The following STPG2 variants were observed in gnomAD, a reference collection of about 807,000 sequenced individuals.
STPG2 encodes sperm tail PG-rich repeat containing 2, also known as sperm-tail PG-rich repeat-containing protein 2.
STPG2 carries 56 observed loss-of-function variants against 54.2 expected under a neutral mutation model. The observed-to-expected ratio is 1.03, with a 90% CI of 0.83 to 1.29. STPG2 has a LOEUF of 1.29. Among genes scored for constraint, STPG2 ranks in the 50% most tolerant of loss-of-function variants. The pLI is 0.00. For missense variants in STPG2, 596 were observed against 544.9 expected (o/e 1.09, Z -0.93); for synonymous variants, 200 against 181.8 (o/e 1.10, Z -0.81).
rs376001588 is a variant in STPG2 at position 97,524,545 on chromosome 4, T to C, written c.462+188154A>G. On this transcript the variant is annotated intron_variant, in intron 4 of 4. Coordinates refer to the STPG2 transcript ENST00000522676. ...ATTCACATTAATGATATCTTGCTTC[T>C]TGTAGTTTCATTGAAACCCAAAGGA... Among the ~76,000 whole-genome samples the C allele has an allele frequency of 2.6e-5, 4 of 152,118 alleles. No homozygotes were observed. In the South Asian group the frequency reaches 6.2e-4, roughly 24 times the overall value.
intron 4 of STPG2, among the ~76,000 whole-genome samples, chr4:97,514,755 G>T (rs1731040541): frequency 6.6e-6 from 1 of 151,302 alleles, no homozygotes; most frequent in African/African-American, 2.4e-5. Flanking sequence ...CAATTACTTT[G>T]TACTTTTATC....
intron 4 of STPG2, among the ~76,000 whole-genome samples, chr4:97,539,015 C>A (rs1390586870): frequency 6.6e-6 from 1 of 152,268 alleles, no homozygotes; most frequent in Non-Finnish European, 1.5e-5. Flanking sequence ...CACCACCAGG[C>A]CTGTCCTACA....
intron 1 of STPG2, among the ~76,000 whole-genome samples, chr4:98,141,186 G>T (rs1421169346): frequency 1.3e-5 from 2 of 151,894 alleles, no homozygotes; most frequent in Non-Finnish European, 2.9e-5. Flanking sequence ...TCTGACTCTG[G>T]CATAACATTA....
intron 8 of STPG2, among the ~76,000 whole-genome samples, chr4:97,845,098 A>G (rs2149125324): frequency 6.6e-6 from 1 of 151,690 alleles, no homozygotes; most frequent in South Asian, 2.1e-4. Context: ...TTATTTAATC[A>G]TAAGTTCCAT....
At chr4:97,657,001 GT>G (rs1472062390) in intron 10 of STPG2, among the ~76,000 whole-genome samples, 4 of 151,950 alleles carry the variant, frequency 2.6e-5, no homozygotes, top group African/African-American at 9.7e-5. Flanking sequence ...TGCAATTGCA[GT>G]TTATTTTTCA....
At chr4:97,909,445 A>C (rs1731592508) in intron 8 of STPG2, among the ~76,000 whole-genome samples, 1 of 152,194 alleles carries the variant, frequency 6.6e-6, no homozygotes, top group Non-Finnish European at 1.5e-5. Context: ...AACAGGCAAC[A>C]CTTACCAACT....
At chr4:97,682,402 C>A (rs11936066) in intron 10 of STPG2, among the ~76,000 whole-genome samples, 21,339 of 151,686 alleles carry the variant, frequency 0.14, 4,256 homozygotes, top group African/African-American at 0.44. Flanking sequence ...ATCACAAAGA[C>A]AACCATGTAA....
chr4:97,824,704 A>G (rs1560542534), intron 9 of STPG2, among the ~76,000 whole-genome samples: 1 of 152,198 alleles, frequency 6.6e-6, no homozygotes, highest in Non-Finnish European at 1.5e-5. Flanking sequence ...CCTAAAAATT[A>G]TCTTGCTAAA....
At chr4:97,924,267 T>A (rs1435139518) in intron 8 of STPG2, among the ~76,000 whole-genome samples, 1 of 152,208 alleles carries the variant, frequency 6.6e-6, no homozygotes, top group Non-Finnish European at 1.5e-5. Context: ...ATTCTTGAAG[T>A]CAGTGAGACC....
At chr4:97,685,572 T>C (rs1713434540) in intron 10 of STPG2, among the ~76,000 whole-genome samples, 2 of 152,124 alleles carry the variant, frequency 1.3e-5, no homozygotes, top group African/African-American at 4.8e-5. Flanking sequence ...AGGTAGAGCA[T>C]AGAGCTTTAT....
chr4:97,454,553 A>G (rs922244539), intron 4 of STPG2, among the ~76,000 whole-genome samples: 5 of 143,654 alleles, frequency 3.5e-5, no homozygotes, highest in East Asian at 3.9e-4. Context: ...AAAAAAAAAA[A>G]AAAAGAAAAG....
chr4:97,937,493 ATTCT>A (rs1436249869), intron 8 of STPG2, among the ~76,000 whole-genome samples: 1 of 152,078 alleles, frequency 6.6e-6, no homozygotes, highest in South Asian at 2.1e-4. Flanking sequence ...TTTTTTGTTA[ATTCT>A]TTCTCATCTT....
At chr4:97,507,143 A>C (rs1347993432) in intron 4 of STPG2, among the ~76,000 whole-genome samples, 1 of 152,000 alleles carries the variant, frequency 6.6e-6, no homozygotes, top group Non-Finnish European at 1.5e-5. Context: ...AAACATAGTG[A>C]GATCCCTTCT....
chr4:97,766,424 C>A (rs1038991702), intron 9 of STPG2, among the ~76,000 whole-genome samples: 1 of 151,942 alleles, frequency 6.6e-6, no homozygotes, highest in African/African-American at 2.4e-5. Flanking sequence ...TTCCTTTTAT[C>A]CCAAACATTA....
At chr4:97,574,441 TAA>T (rs375420912) in intron 10 of STPG2, among the ~76,000 whole-genome samples, 34 of 146,204 alleles carry the variant, frequency 2.3e-4, no homozygotes, top group African/African-American at 7.6e-4. Flanking sequence ...TAGACAGTTG[TAA>T]AAAAAAAAAG....
chr4:97,782,739 C>T (rs1053682866), intron 9 of STPG2, among the ~76,000 whole-genome samples: 1 of 152,096 alleles, frequency 6.6e-6, no homozygotes, highest in East Asian at 1.9e-4. Context: ...CAGATATAGA[C>T]CAATGGAACA....
At chr4:97,878,218 G>C (rs920840901) in intron 8 of STPG2, among the ~76,000 whole-genome samples, 2 of 152,106 alleles carry the variant, frequency 1.3e-5, no homozygotes, top group Non-Finnish European at 2.9e-5. Flanking sequence ...GCTTTTCCAG[G>C]TGCACAGTGC....
intron 9 of STPG2, among the ~76,000 whole-genome samples, chr4:97,734,452 G>GT (rs902682000): frequency 6.6e-6 from 1 of 152,028 alleles, no homozygotes; most frequent in African/African-American, 2.4e-5. Context: ...CCAGAGTGTG[G>GT]TGTTCCCCTC....
intron 9 of STPG2, among the ~76,000 whole-genome samples, chr4:97,757,634 C>T (rs1158081748): frequency 6.6e-6 from 1 of 152,160 alleles, no homozygotes; most frequent in Non-Finnish European, 1.5e-5. Flanking sequence ...TTAACCACCT[C>T]TAATATACAA....
Sources: allele counts gnomAD v4.1 joint callset (sites outside exome capture counted in the v4.1 genomes callset), GRCh38; gene constraint gnomAD v4.1.1; transcripts MANE v1.5; gene names NCBI Gene and HGNC (gene_info 2026-07-23, HGNC 2026-07-21).